Variants in HPSE2 observed in about 807,000 individuals in gnomAD.
The protein encoded by HPSE2 is heparanase 2 (inactive).
In HPSE2, 38 loss-of-function variants were observed where a neutral mutation model predicts 60.5. The ratio of observed to expected loss-of-function variants is 0.63; its 90% CI spans 0.48 to 0.82. The LOEUF is 0.82. HPSE2 is among the 40% of genes least tolerant of loss of function. The probability of loss-of-function intolerance (pLI) is 0.00; values close to 1 mark genes in which losing one functional copy is unlikely to be tolerated. For synonymous variants in HPSE2, 295 were observed against 293.2 expected (o/e 1.01, Z -0.06); for missense variants, 713 against 740.4 (o/e 0.96, Z 0.43).
chr10:99,036,765 G>A (rs912944718), intron 3 of HPSE2, among the ~76,000 whole-genome samples: 1 of 152,140 alleles, frequency 6.6e-6, no homozygotes, highest in Non-Finnish European at 1.5e-5. Flanking sequence ...CTCTGCCCAA[G>A]ATACTTATTA....
At chr10:99,175,066 A>G (rs956692395) in intron 2 of HPSE2, among the ~76,000 whole-genome samples, 4 of 152,122 alleles carry the variant, frequency 2.6e-5, no homozygotes, top group African/African-American at 9.7e-5. Context: ...TGCCGTGAGG[A>G]ACAGTGCATT....
Position 98,949,329 on chromosome 10 carries a change from C to T in HPSE2, c.610+194909G>A, listed in dbSNP as rs183314014. ...ATTGTTAATATAGACCCTTACCCCT[C>T]CCCACAATGGATGTAACCCAAGGTG... On this transcript the variant is annotated intron_variant, in intron 3 of 11. Transcript: ENST00000370552. Among the ~76,000 whole-genome samples the T allele has an allele frequency of 1.5e-3, 227 of 152,206 alleles. 3 individuals are homozygous for T. In the Middle Eastern group the frequency reaches 0.024, roughly 16 times the overall value.
intron 3 of HPSE2, among the ~76,000 whole-genome samples, chr10:99,043,139 C>T (rs937501056): frequency 6.6e-6 from 1 of 152,176 alleles, no homozygotes; most frequent in Admixed American, 6.5e-5. Context: ...ATTCAAAAAG[C>T]CAGTGTCCCC....
chr10:98,725,010 C>T (rs948017616), intron 4 of HPSE2, among the ~76,000 whole-genome samples: 19 of 152,170 alleles, frequency 1.2e-4, no homozygotes, highest in African/African-American at 4.6e-4. Flanking sequence ...AATGGAAGAA[C>T]ATTCCATGCT....
At chr10:98,843,773 T>C (rs186537838) in intron 3 of HPSE2, among the ~76,000 whole-genome samples, 58 of 152,282 alleles carry the variant, frequency 3.8e-4, no homozygotes, top group Non-Finnish European at 6.5e-4. Flanking sequence ...CTTCCCCAGG[T>C]TGGGGAAAGG....
At chr10:98,948,046 A>C (rs1263765521) in intron 3 of HPSE2, among the ~76,000 whole-genome samples, 1 of 152,170 alleles carries the variant, frequency 6.6e-6, no homozygotes, top group South Asian at 2.1e-4. Flanking sequence ...ATTAAGGGTC[A>C]TTACACGTAA....
At chr10:98,770,877 TC>T (rs1216995200) in intron 3 of HPSE2, among the ~76,000 whole-genome samples, 1 of 152,112 alleles carries the variant, frequency 6.6e-6, no homozygotes, top group Non-Finnish European at 1.5e-5. Flanking sequence ...AGGGGGGCCA[TC>T]CTGAATGGGG....
Position 99,117,029 on chromosome 10 carries a change from C to T in HPSE2, c.610+27209G>A, listed in dbSNP as rs78052790. The stretch of plus-strand genomic sequence containing the variant: ...AAAAGAAAGAAAGCGAAAAGAAAAA[C>T]GAAAAGAAAGACTACTAAGCAATAC... On this transcript the variant is annotated intron_variant, in intron 3 of 11. Transcript: ENST00000370552. Among the ~76,000 whole-genome samples the T allele has an allele frequency of 3.3e-3, 506 of 151,330 alleles. 2 individuals are homozygous for T. Among genetic ancestry groups the T allele is most frequent in the African/African-American group, 0.012 (484 of 41,434 alleles).
chr10:98,572,745 G>T (rs1325096137), intron 9 of HPSE2, among the ~76,000 whole-genome samples: 1 of 152,124 alleles, frequency 6.6e-6, no homozygotes, highest in African/African-American at 2.4e-5. Flanking sequence ...TCCCTTCTTG[G>T]AGTTAGTCAC....
At chr10:98,949,737 C>A (rs1036461775) in intron 3 of HPSE2, among the ~76,000 whole-genome samples, 1 of 151,994 alleles carries the variant, frequency 6.6e-6, no homozygotes, top group African/African-American at 2.4e-5. Flanking sequence ...CTGTTTTTTA[C>A]ACATAGGAAA....
At chr10:99,094,264 G>A (rs892247991) in intron 3 of HPSE2, among the ~76,000 whole-genome samples, 1 of 151,526 alleles carries the variant, frequency 6.6e-6, no homozygotes, top group African/African-American at 2.4e-5. Context: ...AGGCACATAT[G>A]GTTTAATCTT....
intron 5 of HPSE2, among the ~76,000 whole-genome samples, chr10:98,714,157 G>A (rs542778632): frequency 5.3e-4 from 80 of 151,798 alleles, no homozygotes; most frequent in Non-Finnish European, 1.1e-3. Flanking sequence ...TGGTGTATAG[G>A]AGCTTTATCT....
At chr10:98,461,287 C>G (rs79695674) in intron 11 of HPSE2, among the ~76,000 whole-genome samples, 3,054 of 152,274 alleles carry the variant, frequency 0.02, 108 homozygotes, top group African/African-American at 0.068. Context: ...TGGGCTAGGT[C>G]CAGATCTGAT....
intron 8 of HPSE2, among the ~76,000 whole-genome samples, chr10:98,616,731 A>G (rs1007683976): frequency 6.6e-6 from 1 of 152,218 alleles, no homozygotes; most frequent in Non-Finnish European, 1.5e-5. Flanking sequence ...TCTGACTGTA[A>G]TATAGTAGAA....
intron 3 of HPSE2, among the ~76,000 whole-genome samples, chr10:99,079,336 A>G (rs1843053595): frequency 6.6e-6 from 1 of 152,090 alleles, no homozygotes; most frequent in Middle Eastern, 3.2e-3. Flanking sequence ...AGGAGCTATG[A>G]CAACCGCCAA....
At chr10:98,549,298 C>T (rs372893609) in intron 9 of HPSE2, among the ~76,000 whole-genome samples, 18 of 152,200 alleles carry the variant, frequency 1.2e-4, no homozygotes, top group African/African-American at 3.4e-4. Flanking sequence ...TACTTCTAGA[C>T]TACTGAGAAT....
chr10:98,981,077 T>C (rs1408453194), intron 3 of HPSE2, among the ~76,000 whole-genome samples: 1 of 152,120 alleles, frequency 6.6e-6, no homozygotes, highest in Non-Finnish European at 1.5e-5. Flanking sequence ...ATTAAGTAGA[T>C]GAAATATCAA....
intron 6 of HPSE2, among the ~76,000 whole-genome samples, chr10:98,674,535 T>G (rs1947586558): frequency 1.3e-5 from 2 of 152,256 alleles, no homozygotes; most frequent in Admixed American, 6.5e-5. Context: ...TTTACACCAT[T>G]GGCATGGCTC....
chr10:99,030,784 T>A (rs1430441749), intron 3 of HPSE2, among the ~76,000 whole-genome samples: 2 of 152,206 alleles, frequency 1.3e-5, no homozygotes, highest in African/African-American at 4.8e-5. Flanking sequence ...ATATATACAA[T>A]GGAGTACCAT....
Sources: gnomAD v4.1 joint callset for allele counts (sites outside exome capture counted in the v4.1 genomes callset) on GRCh38, gnomAD v4.1.1 for gene constraint, MANE v1.5 for transcripts, NCBI Gene and HGNC (gene_info 2026-07-23, HGNC 2026-07-21) for gene names.